The following ATP12A variants were observed in gnomAD, a reference collection of about 807,000 sequenced individuals.
The protein encoded by ATP12A is potassium-transporting ATPase alpha chain 2.
A neutral mutation model predicts 111.2 loss-of-function variants in ATP12A; 81 were observed. The ratio of observed to expected loss-of-function variants is 0.73; its 90% CI spans 0.61 to 0.88. ATP12A has a LOEUF of 0.88. ATP12A is among the 40% of genes least tolerant of loss of function. ATP12A has a pLI of 0.00. For synonymous variants in ATP12A, 498 were observed against 499.8 expected, an observed-to-expected ratio of 1.00 and a Z score of 0.05; for missense variants, 1,196 against 1,313.1, an observed-to-expected ratio of 0.91 and a Z score of 1.38.
chr13:24,700,495 C>G (rs982998091), intron 12 of ATP12A, among the ~76,000 whole-genome samples: 2 of 152,092 alleles, frequency 1.3e-5, no homozygotes, highest in Non-Finnish European at 1.5e-5. Context: ...GTGTATTGCC[C>G]TAGAACTTGG....
chr13:24,686,824 G>A (rs569578880), intron 3 of ATP12A, among the ~76,000 whole-genome samples: 21 of 152,244 alleles, frequency 1.4e-4, no homozygotes, highest in African/African-American at 5.1e-4. Context: ...CAGGACTTGC[G>A]GGGATTTTTA....
chr13:24,690,555 G>T lies in ATP12A; in HGVS notation c.682-49G>T, dbSNP rs199960699. ...GTCTTTCCCAGCATCAGTATAAGAG[G>T]CAGGGAATGAGGTACCCAGCTGTGA... On this transcript the variant is annotated intron_variant, in intron 6 of 22. Coordinates refer to ENST00000381946, the MANE Select transcript of ATP12A (RefSeq NM_001676.7). The T allele has an allele frequency of 5.6e-6, 9 of 1,603,024 alleles. No homozygotes were observed. In the East Asian group the frequency reaches 2.0e-4, roughly 36 times the overall value.
chr13:24,692,693 C>T (rs148598856), intron 9 of ATP12A, 66 bp downstream of exon 9: 363 of 1,598,110 alleles, frequency 2.3e-4, no homozygotes, highest in Middle Eastern at 2.2e-3. Flanking sequence ...GAGCTGAGCA[C>T]ACAGCAGGGT....
chr13:24,689,395 C>T lies in ATP12A; in HGVS notation c.546+20C>T. ...CCTCAGGTGAGTGGCAGCCACCTATCCTCTGGCCTCTGGTGACTCCCAGGT... is the reference window on the plus strand; with the variant it reads ...CCTCAGGTGAGTGGCAGCCACCTATTCTCTGGCCTCTGGTGACTCCCAGGT... On this transcript the variant is annotated intron_variant, in intron 5 of 22. Coordinates refer to ENST00000381946, the MANE Select transcript of ATP12A (RefSeq NM_001676.7). 6.3e-7 allele frequency: 1 copy of T among 1,590,952 alleles called. No homozygotes were observed.
intron 2 of ATP12A, among the ~76,000 whole-genome samples, chr13:24,683,437 C>A (rs1427376880): frequency 6.6e-6 from 1 of 152,160 alleles, no homozygotes; most frequent in Non-Finnish European, 1.5e-5. Flanking sequence ...TGCTAGAGAG[C>A]CATTTGTTAA....
chr13:24,680,577 C>A lies in ATP12A; in HGVS notation c.-167C>A. ...CCTCCCCGGTGCAGCGGCTGGCGAT[C>A]GGCCGCGGAGGTGCGTGCAGGGCCC... On this transcript the variant is annotated 5_prime_UTR_variant, in exon 1 of 23. Coordinates refer to ENST00000381946, the MANE Select transcript of ATP12A (RefSeq NM_001676.7). The A allele has an allele frequency of 1.5e-6, 1 of 675,106 alleles. No individual in the cohort carries two copies. Among genetic ancestry groups the A allele is most frequent in the South Asian group, 2.4e-5 (1 of 42,044 alleles). The allele number at this position is 675,106 out of a possible 1,614,324, so 41.8% of individuals were successfully genotyped here.
At chr13:24,701,061 GT>G in intron 13 of ATP12A, 139 bp downstream of exon 13, 1 of 1,039,074 alleles carries the variant, frequency 9.6e-7, no homozygotes, top group Non-Finnish European at 1.4e-6. Flanking sequence ...TAGTTTCACT[GT>G]GCTAAGGTTA....
intron 17 of ATP12A, among the ~76,000 whole-genome samples, chr13:24,708,341 C>A (rs371354348): frequency 2.0e-5 from 3 of 152,336 alleles, no homozygotes; most frequent in African/African-American, 7.2e-5. Flanking sequence ...AAGCTGAATT[C>A]TTAGCAGGAA....
rs775284112 is a variant in ATP12A, at chr13:24,688,405, C to T, written c.315C>T (p.Val105=). The change falls in exon 4 of 23, where the codon GTC becomes GTT. Residue 105 remains valine, a synonymous_variant. Coordinates refer to ENST00000381946, the MANE Select transcript of ATP12A (RefSeq NM_001676.7). ...LTPPKQTPEI[V]KFLKQMVGGF... ...CTCCCAAGCAGACGCCTGAGATCGT[C>T]AAGTTCCTCAAGCAGATGGTGGGGG... 3 of 1,614,176 alleles carry T rather than the reference C, an allele frequency of 1.9e-6. No homozygotes were observed. Among genetic ancestry groups the T allele is most frequent in the Non-Finnish European group, 2.5e-6 (3 of 1,180,040 alleles).
intron 11 of ATP12A, among the ~76,000 whole-genome samples, chr13:24,694,861 TCACA>T (rs773803839): frequency 2.0e-3 from 84 of 42,104 alleles, no homozygotes; most frequent in African/African-American, 4.3e-3. Context: ...TCTCTCTCTC[TCACA>T]CACACACACA....
At chr13:24,697,650 A>AG (rs1203925318) in intron 11 of ATP12A, among the ~76,000 whole-genome samples, 1 of 151,656 alleles carries the variant, frequency 6.6e-6, no homozygotes, top group Non-Finnish European at 1.5e-5. Context: ...AAAAAAAAAA[A>AG]AAAAAAAATT....
At chr13:24,694,215 G>T (rs1299467908) in intron 10 of ATP12A, among the ~76,000 whole-genome samples, 8 of 152,046 alleles carry the variant, frequency 5.3e-5, no homozygotes. Flanking sequence ...TTTTTTCCAC[G>T]AAATCTTCAG....
rs753042278 is a variant in ATP12A, at chr13:24,710,858, C to T, written c.2964C>T (p.Leu988=). The change falls in exon 21 of 23, where the codon CTC becomes CTT. Residue 988 remains leucine, a synonymous_variant. Coordinates refer to ENST00000381946, the MANE Select transcript of ATP12A (RefSeq NM_001676.7). ...IIIGLILSYG[L]GSVTALSFTM... is the part of the protein sequence containing the mutation. ...TTGGTCTGATCCTCTCCTATGGCCTCGGAAGTGTCACAGCCTTGAGTTTCA... is the reference window on the plus strand; with the variant it reads ...TTGGTCTGATCCTCTCCTATGGCCTTGGAAGTGTCACAGCCTTGAGTTTCA... 8.1e-6 allele frequency: 13 copies of T among 1,614,068 alleles called. No homozygotes were observed. Among genetic ancestry groups the T allele is most frequent in the South Asian group, 3.3e-5 (3 of 91,086 alleles).
At chr13:24,688,550 T>A (rs765244203) in intron 4 of ATP12A, 28 bp downstream of exon 4, 4 of 1,494,144 alleles carry the variant, frequency 2.7e-6, no homozygotes, top group Non-Finnish European at 3.6e-6. Context: ...CCCCTCCTGG[T>A]TTTGCTGGCA....
chr13:24,700,659 G>A, intron 12 of ATP12A, 88 bp from the exon 13 acceptor site: 1 of 1,265,526 alleles, frequency 7.9e-7, no homozygotes. Flanking sequence ...AAACAGCAGA[G>A]GACCAAGGTG....
chr13:24,708,967 A>AG (rs1875831750), intron 17 of ATP12A, among the ~76,000 whole-genome samples: 4 of 149,976 alleles, frequency 2.7e-5, no homozygotes, highest in Admixed American at 6.6e-5. Context: ...GAAAGAAGGA[A>AG]AGAGAAAGAG....
At chr13:24,707,953 A>G (rs1179875307) in intron 17 of ATP12A, among the ~76,000 whole-genome samples, 1 of 152,044 alleles carries the variant, frequency 6.6e-6, no homozygotes. Context: ...CCTGAGCTAT[A>G]GCAAGCTTTT....
chr13:24,709,164 A>T (rs923510231), intron 17 of ATP12A, among the ~76,000 whole-genome samples, 200 bp from the exon 18 acceptor site: 1 of 152,182 alleles, frequency 6.6e-6, no homozygotes, highest in Non-Finnish European at 1.5e-5. Flanking sequence ...ACAGGGTGAT[A>T]AAAAGCAGCT....
chr13:24,706,131 G>A (rs1278287760), intron 14 of ATP12A, among the ~76,000 whole-genome samples, 182 bp from the exon 15 acceptor site: 1 of 152,184 alleles, frequency 6.6e-6, no homozygotes, highest in African/African-American at 2.4e-5. Context: ...GCCTCAGTTT[G>A]CCCTCTTGAA....
Sources: allele counts gnomAD v4.1 joint callset (sites outside exome capture counted in the v4.1 genomes callset), GRCh38; gene constraint gnomAD v4.1.1; transcripts MANE v1.5; gene names NCBI Gene and HGNC (gene_info 2026-07-23, HGNC 2026-07-21).